The following RBFOX1 variants were observed in gnomAD, a reference collection of about 807,000 sequenced individuals.
The protein encoded by RBFOX1 is RNA binding protein fox-1 homolog 1.
In RBFOX1, 8 loss-of-function variants were observed where a neutral mutation model predicts 57.7. The observed-to-expected ratio is 0.14, with a 90% confidence interval of 0.08 to 0.25. The LOEUF is 0.25. Ranked by LOEUF, RBFOX1 falls within the 10% of genes least tolerant of loss-of-function variation. The probability of loss-of-function intolerance (pLI) is 1.00; values close to 1 mark genes in which losing one functional copy is unlikely to be tolerated. For synonymous variants in RBFOX1, 326 were observed against 222.4 expected (o/e 1.47, Z -4.15); for missense variants, 611 against 548.5 (o/e 1.11, Z -1.14).
intron 4 of RBFOX1, among the ~76,000 whole-genome samples, chr16:7,509,835 G>A (rs1322640935): frequency 4.6e-5 from 7 of 152,046 alleles, no homozygotes; most frequent in Non-Finnish European, 1.0e-4. Flanking sequence ...ATAGTAGCAA[G>A]CTCCCTGCTG....
chr16:6,209,433 C>G (rs1031345178), intron 1 of RBFOX1, among the ~76,000 whole-genome samples: 1 of 152,162 alleles, frequency 6.6e-6, no homozygotes, highest in Admixed American at 6.5e-5. Flanking sequence ...CTTGTTAATC[C>G]GTCTATTTCC....
chr16:7,032,882 C>G (rs1020975533), intron 3 of RBFOX1, among the ~76,000 whole-genome samples: 8 of 152,150 alleles, frequency 5.3e-5, no homozygotes, highest in African/African-American at 1.9e-4. Flanking sequence ...TCTCAAATTT[C>G]TGCAGCTGAG....
At chr16:6,822,495 C>G (rs1051354661) in intron 3 of RBFOX1, among the ~76,000 whole-genome samples, 2 of 152,218 alleles carry the variant, frequency 1.3e-5, no homozygotes, top group Admixed American at 6.5e-5. Flanking sequence ...ATGCATCAAT[C>G]TGAGTTTCAC....
chr16:7,371,430 A>G (rs146678803), intron 4 of RBFOX1, among the ~76,000 whole-genome samples: 1 of 152,344 alleles, frequency 6.6e-6, no homozygotes, highest in Non-Finnish European at 1.5e-5. Context: ...ATTAGGAGAA[A>G]GAAAAAAGCA....
intron 1 of RBFOX1, among the ~76,000 whole-genome samples, chr16:6,144,605 A>C (rs1389518291): frequency 6.6e-6 from 1 of 152,224 alleles, no homozygotes; most frequent in Non-Finnish European, 1.5e-5. Context: ...TCTGTAGCCA[A>C]GGGAGGTGAC....
At chr16:7,234,843 G>A (rs2093689892) in intron 4 of RBFOX1, among the ~76,000 whole-genome samples, 1 of 151,992 alleles carries the variant, frequency 6.6e-6, no homozygotes, top group Non-Finnish European at 1.5e-5. Context: ...GTACGTGGAT[G>A]TTTTTTAGCA....
At chr16:5,631,863 A>G (rs2048519664) in intron 3 of RBFOX1, among the ~76,000 whole-genome samples, 1 of 152,186 alleles carries the variant, frequency 6.6e-6, no homozygotes, top group Non-Finnish European at 1.5e-5. Flanking sequence ...CTCCCATTGT[A>G]GGATCATTTT....
At chr16:6,967,083 C>T (rs952493887) in intron 3 of RBFOX1, among the ~76,000 whole-genome samples, 5 of 152,114 alleles carry the variant, frequency 3.3e-5, no homozygotes, top group African/African-American at 1.2e-4. Flanking sequence ...ATTCATCCAC[C>T]CATCATTCTA....
intron 3 of RBFOX1, among the ~76,000 whole-genome samples, chr16:6,853,732 T>C (rs548815361): frequency 2.6e-5 from 4 of 152,256 alleles, no homozygotes; most frequent in East Asian, 3.9e-4. Context: ...GACAATGTGA[T>C]TGGGATAATG....
In RBFOX1 at chr16:6,237,602, C is replaced by T. The variant is rs897791769; in HGVS notation, c.-126-79393C>T. 2.6e-5 allele frequency among the ~76,000 whole-genome samples: 4 copies of T among 151,762 alleles called. No individual in the cohort carries two copies. The East Asian group carries it at 5.8e-4, about 22-fold the overall frequency. On this transcript the variant is annotated intron_variant, in intron 1 of 15. Transcript: ENST00000550418. ...ACTAAAAATACAAAAATTAGTGGGGCGTGGTGGTGAGAGCCTGTAATCCCA... is the reference window on the plus strand; with the variant it reads ...ACTAAAAATACAAAAATTAGTGGGGTGTGGTGGTGAGAGCCTGTAATCCCA...
At chr16:6,902,727 C>T (rs1011725837) in intron 3 of RBFOX1, among the ~76,000 whole-genome samples, 9 of 152,250 alleles carry the variant, frequency 5.9e-5, no homozygotes, top group African/African-American at 2.2e-4. Flanking sequence ...ATGTAGAGAA[C>T]AGGAAGAAGT....
chr16:5,259,058 C>T (rs986737240), intron 1 of RBFOX1, among the ~76,000 whole-genome samples: 3 of 152,140 alleles, frequency 2.0e-5, no homozygotes, highest in African/African-American at 7.2e-5. Context: ...CCAGGGCTGG[C>T]TCTGATGCTG....
chr16:6,580,032 C>T (rs920100354), intron 2 of RBFOX1, among the ~76,000 whole-genome samples: 2 of 151,976 alleles, frequency 1.3e-5, no homozygotes, highest in Non-Finnish European at 2.9e-5. Flanking sequence ...GATCTCAGAT[C>T]ACTGCAACTT....
chr16:6,421,738 C>T (rs968727558), intron 2 of RBFOX1, among the ~76,000 whole-genome samples: 1 of 152,062 alleles, frequency 6.6e-6, no homozygotes, highest in Non-Finnish European at 1.5e-5. Context: ...AGGGGCTTCT[C>T]CATGTATCTT....
intron 1 of RBFOX1, among the ~76,000 whole-genome samples, chr16:5,464,727 G>A (rs909770980): frequency 6.6e-6 from 1 of 152,222 alleles, no homozygotes; most frequent in Admixed American, 6.5e-5. Context: ...AGAAAACAGA[G>A]CTGTGTAGTT....
chr16:7,245,390 T>G (rs1431277131), intron 4 of RBFOX1, among the ~76,000 whole-genome samples: 1 of 152,184 alleles, frequency 6.6e-6, no homozygotes, highest in Non-Finnish European at 1.5e-5. Context: ...GGTAAACATG[T>G]GCCATGGTTG....
At chr16:6,335,423 A>AC (rs1175391940) in intron 2 of RBFOX1, among the ~76,000 whole-genome samples, 1 of 152,162 alleles carries the variant, frequency 6.6e-6, no homozygotes, top group Non-Finnish European at 1.5e-5. Context: ...TGGTAAATAT[A>AC]CCTAAAGACA....
At chr16:7,411,942 A>G in intron 4 of RBFOX1, among the ~76,000 whole-genome samples, 1 of 151,470 alleles carries the variant, frequency 6.6e-6, no homozygotes, top group Non-Finnish European at 1.5e-5. Context: ...AAAATCTGAG[A>G]AACTATCACA....
At chr16:7,354,076 A>G (rs1183587259) in intron 4 of RBFOX1, among the ~76,000 whole-genome samples, 1 of 152,028 alleles carries the variant, frequency 6.6e-6, no homozygotes, top group African/African-American at 2.4e-5. Flanking sequence ...GGTTCAAGCG[A>G]TTCTCCTGCC....
Sources: allele counts gnomAD v4.1 joint callset (sites outside exome capture counted in the v4.1 genomes callset), GRCh38; gene constraint gnomAD v4.1.1; transcripts MANE v1.5; gene names NCBI Gene and HGNC (gene_info 2026-07-23, HGNC 2026-07-21).